FER1L6: variants seen among roughly 807,000 people sequenced by gnomAD.
FER1L6 encodes fer-1-like protein 6.
A neutral mutation model predicts 219.2 loss-of-function variants in FER1L6; 177 were observed. The ratio of observed to expected loss-of-function variants is 0.81; its 90% CI spans 0.71 to 0.91. The LOEUF is 0.91. Among genes scored for constraint, FER1L6 ranks in the 40% least tolerant of loss-of-function variants. The pLI is 0.00. For missense variants in FER1L6, 2,153 were observed against 2,259.9 expected, an observed-to-expected ratio of 0.95 and a Z score of 0.96; for synonymous variants, 768 against 824.3, an observed-to-expected ratio of 0.93 and a Z score of 1.17.
rs570379036 is a variant in FER1L6 at position 124,055,100 on chromosome 8, A to G, written c.2875-5080A>G. The stretch of plus-strand genomic sequence containing the variant: ...TTTGACATGTGAGGTTTATCTCCAC[A>G]TCACACAGAAAAGCCCACAACATTT... On this transcript the variant is annotated intron_variant, in intron 22 of 40. Coordinates refer to ENST00000522917, the MANE Select transcript of FER1L6 (RefSeq NM_001039112.2). 2.0e-3 allele frequency among the ~76,000 whole-genome samples: 307 copies of G among 152,294 alleles called. 1 individual carries two copies. The highest frequency in any genetic ancestry group is 6.9e-3 in the African/African-American group (287 of 41,562).
Position 124,095,016 on chromosome 8 carries a change from AG to A in FER1L6, c.4675del (p.Asp1559IlefsTer40). ...EHIETRPLYH[K>X]DKPGMEQGRL... ...ATAGAAACTCGGCCACTGTACCACA[AG>A]GATAAGCCAGGAATGGAGCAGGTAG... On this transcript the variant is annotated frameshift_variant, in exon 35 of 41. Transcript: ENST00000522917. LOFTEE classifies it high-confidence loss of function. 6.2e-7 allele frequency: 1 copy of A among 1,614,152 alleles called. No homozygotes were observed. The highest frequency in any genetic ancestry group is 8.5e-7 in the Non-Finnish European group (1 of 1,179,988).
chr8:124,081,605 C>CAAAAAAAAAAAAAAAAA lies in FER1L6; in HGVS notation c.4221-679_4221-663dup, dbSNP rs1243602409. The stretch of plus-strand genomic sequence containing the variant: ...GTGCAGGCTCCAGCAATGCAGAGAC[C>CAAAAAAAAAAAAAAAAA]AAAAAAAAAAAAAAAAAAAAGGGCA... On this transcript the variant is annotated intron_variant, in intron 32 of 40. Transcript: ENST00000522917. 5.7e-5 allele frequency among the ~76,000 whole-genome samples: 3 copies of CAAAAAAAAAAAAAAAAA among 53,002 alleles called. 1 individual carries two copies. Among genetic ancestry groups the CAAAAAAAAAAAAAAAAA allele is most frequent in the African/African-American group, 1.9e-4 (3 of 16,050 alleles). The allele number at this position is 53,002 out of a possible 152,430, so 34.8% of individuals were successfully genotyped here. A position where few individuals can be genotyped will look rare whatever the true frequency, so the allele number is the denominator to read the frequency against.
rs79669143 is a variant in FER1L6, at chr8:123,938,975, C to T, written c.-7-17017C>T. Among the ~76,000 whole-genome samples, 1,232 of 152,304 alleles carry T rather than the reference C, an allele frequency of 8.1e-3. 22 individuals are homozygous for T. The highest frequency in any genetic ancestry group is 0.028 in the African/African-American group (1,145 of 41,544). On this transcript the variant is annotated intron_variant, in intron 1 of 40. Coordinates refer to ENST00000522917, the MANE Select transcript of FER1L6 (RefSeq NM_001039112.2). ...TTCTTCAAGGGAAGAGTACACTGTTCGAGGGTTGCCTGGGTCACTTGCTTT... is the reference window on the plus strand; with the variant it reads ...TTCTTCAAGGGAAGAGTACACTGTTTGAGGGTTGCCTGGGTCACTTGCTTT...
chr8:123,863,837 A>G (rs1352592043), intron 1 of FER1L6, among the ~76,000 whole-genome samples: 2 of 150,576 alleles, frequency 1.3e-5, no homozygotes, highest in African/African-American at 2.5e-5. Flanking sequence ...TGCTTGGTAG[A>G]TCTTCCTCCA....
At chr8:123,908,963 G>C (rs182218761) in intron 1 of FER1L6, among the ~76,000 whole-genome samples, 5 of 152,298 alleles carry the variant, frequency 3.3e-5, no homozygotes, top group Admixed American at 6.5e-5. Flanking sequence ...CTAGCTGAAC[G>C]TAAGACAATA....
At chr8:123,917,814 G>A (rs192387666) in intron 1 of FER1L6, among the ~76,000 whole-genome samples, 1 of 152,140 alleles carries the variant, frequency 6.6e-6, no homozygotes, top group East Asian at 1.9e-4. Context: ...CTTTTCCTCC[G>A]AACATTATCA....
intron 2 of FER1L6, among the ~76,000 whole-genome samples, chr8:123,956,392 C>G (rs964324814): frequency 1.3e-5 from 2 of 152,206 alleles, no homozygotes; most frequent in Non-Finnish European, 2.9e-5. Flanking sequence ...TCTCCTTTAT[C>G]TAATGTAATG....
chr8:123,973,768 C>T (rs1815928450), intron 7 of FER1L6, among the ~76,000 whole-genome samples: 1 of 152,050 alleles, frequency 6.6e-6, no homozygotes, highest in South Asian at 2.1e-4. Context: ...ACAGGAGAGG[C>T]AATGGAATAT....
intron 1 of FER1L6, among the ~76,000 whole-genome samples, chr8:123,938,549 T>C (rs1442033795): frequency 2.7e-5 from 4 of 148,276 alleles, no homozygotes; most frequent in Non-Finnish European, 4.5e-5. Context: ...AAATTTTTTT[T>C]TTTTTTTTTT....
intron 1 of FER1L6, among the ~76,000 whole-genome samples, chr8:123,863,676 C>T (rs1388245632): frequency 2.0e-5 from 3 of 146,598 alleles, no homozygotes; most frequent in Admixed American, 2.0e-4. Context: ...GTATTGGGTG[C>T]ATATATATTT....
intron 33 of FER1L6, among the ~76,000 whole-genome samples, chr8:124,086,474 AT>A (rs1821789834): frequency 6.6e-6 from 1 of 151,072 alleles, no homozygotes; most frequent in Non-Finnish European, 1.5e-5. Context: ...AATAAAACTG[AT>A]GAAAACTCTA....
chr8:123,864,773 C>T (rs1401619095), intron 1 of FER1L6, among the ~76,000 whole-genome samples: 16 of 150,246 alleles, frequency 1.1e-4, no homozygotes, highest in Admixed American at 6.6e-4. Flanking sequence ...TTGATCGCAT[C>T]GGCTCCTGAG....
At chr8:124,026,223 A>G (rs6470211) in intron 18 of FER1L6, among the ~76,000 whole-genome samples, 89,315 of 152,028 alleles carry the variant, frequency 0.59, 26,780 homozygotes, top group African/African-American at 0.67. Flanking sequence ...TGAATAAGAG[A>G]AAAATGTGTC....
intron 1 of FER1L6, among the ~76,000 whole-genome samples, chr8:123,917,020 T>C (rs1027352409): frequency 1.4e-4 from 21 of 152,214 alleles, no homozygotes; most frequent in African/African-American, 4.6e-4. Context: ...AGAGAGCTGA[T>C]TAGAAGACTG....
intron 33 of FER1L6, among the ~76,000 whole-genome samples, chr8:124,083,033 CATGTATACATAT>C (rs1563789773): frequency 7.3e-5 from 11 of 151,638 alleles, no homozygotes; most frequent in Middle Eastern, 6.8e-3. Context: ...GGGTATATGA[CATGTATACATAT>C]ATATGGGGTA....
chr8:124,023,494 G>C lies in FER1L6; in HGVS notation c.2184G>C (p.Arg728Ser), dbSNP rs1290639728. 33 of 1,614,026 alleles carry C rather than the reference G, an allele frequency of 2.0e-5. No individual in the cohort carries two copies. Among genetic ancestry groups the C allele is most frequent in the Non-Finnish European group, 2.6e-5 (31 of 1,180,014 alleles). ...DVFIWMLSNNRRVAYARIASK... is the reference protein window; with the variant it reads ...DVFIWMLSNNSRVAYARIASK... ...TCATCTGGATGCTCAGCAACAACAG[G>C]AGAGTGGCCTATGCCCGCATCGCCT... is the stretch of plus-strand genomic sequence containing the variant. Residue 728 changes from arginine to serine, a missense_variant, in exon 18 of 41, where the codon AGG (arginine) becomes AGC (serine). Physicochemically the swap from Arg to Ser is moderately radical, Grantham distance 110. Transcript: ENST00000522917.
intron 1 of FER1L6, among the ~76,000 whole-genome samples, chr8:123,943,478 C>G (rs944451529): frequency 6.6e-6 from 1 of 152,182 alleles, no homozygotes; most frequent in African/African-American, 2.4e-5. Context: ...AGATAGGGAG[C>G]TGCCAGGTGC....
intron 12 of FER1L6, among the ~76,000 whole-genome samples, chr8:123,999,667 C>CAAAAA (rs538271047): frequency 3.2e-3 from 490 of 150,888 alleles, no homozygotes; most frequent in Middle Eastern, 0.014. Context: ...CATCTCAAAA[C>CAAAAA]AAAAACAAAA....
chr8:124,024,044 C>T (rs1057000030), intron 18 of FER1L6, among the ~76,000 whole-genome samples: 1 of 151,782 alleles, frequency 6.6e-6, no homozygotes, highest in African/African-American at 2.4e-5. Flanking sequence ...TTACAGATGC[C>T]CACCACCATG....
Sources: allele counts gnomAD v4.1 joint callset (sites outside exome capture counted in the v4.1 genomes callset), GRCh38; gene constraint gnomAD v4.1.1; transcripts MANE v1.5; gene names NCBI Gene and HGNC (gene_info 2026-07-23, HGNC 2026-07-21).